Variants in ZNF592 observed in about 807,000 individuals in gnomAD.
ZNF592 encodes zinc finger protein 592.
Under a neutral mutation model 80.3 loss-of-function variants are expected in ZNF592, and 11 were observed. That is an observed-to-expected ratio of 0.14 (90% CI 0.09 to 0.23). The LOEUF is 0.23. Among genes scored for constraint, ZNF592 ranks in the 10% least tolerant of loss-of-function variants. ZNF592 has a pLI of 1.00. For synonymous variants in ZNF592, 646 were observed against 640.3 expected (o/e 1.01, Z -0.13); for missense variants, 1,420 against 1,633.9 (o/e 0.87, Z 2.26).
chr15:84,767,602 G>A (rs1168305429), intron 2 of ZNF592, among the ~76,000 whole-genome samples: 10 of 152,148 alleles, frequency 6.6e-5, no homozygotes, highest in Middle Eastern at 6.8e-3. Flanking sequence ...AAGGGGGTAC[G>A]GGTTACAAAG....
At chr15:84,796,602 A>G (rs1190246270) in intron 5 of ZNF592, among the ~76,000 whole-genome samples, 1 of 152,026 alleles carries the variant, frequency 6.6e-6, no homozygotes, top group African/African-American at 2.4e-5. Context: ...CGATAAAAGG[A>G]AAGGCAGTAT....
At chr15:84,758,323 T>C (rs1899242278) in intron 1 of ZNF592, among the ~76,000 whole-genome samples, 1 of 151,820 alleles carries the variant, frequency 6.6e-6, no homozygotes, top group African/African-American at 2.4e-5. Flanking sequence ...CGCTCTGTTG[T>C]CTAGACTGTA....
intron 1 of ZNF592, among the ~76,000 whole-genome samples, chr15:84,751,211 C>A (rs1329930592): frequency 2.0e-5 from 3 of 152,216 alleles, no homozygotes; most frequent in African/African-American, 4.8e-5. Context: ...TTAAAGACTT[C>A]TGCATACATT....
chr15:84,763,393 TGG>T (rs1899408148), intron 1 of ZNF592, among the ~76,000 whole-genome samples: 1 of 152,148 alleles, frequency 6.6e-6, no homozygotes, highest in Non-Finnish European at 1.5e-5. Context: ...CAACAGAAAC[TGG>T]TGGCCAGAGG....
chr15:84,782,003 T>A (rs186103212), intron 3 of ZNF592, among the ~76,000 whole-genome samples: 1 of 152,368 alleles, frequency 6.6e-6, no homozygotes, highest in Non-Finnish European at 1.5e-5. Context: ...AGTCACCCTG[T>A]TCCTCAGGTT....
At chr15:84,757,484 A>G (rs1899210620) in intron 1 of ZNF592, among the ~76,000 whole-genome samples, 1 of 151,792 alleles carries the variant, frequency 6.6e-6, no homozygotes, top group South Asian at 2.1e-4. Flanking sequence ...TGGGAACTAC[A>G]GGCATGGGCC....
Position 84,805,993 on chromosome 15 carries a change from G to T in ZNF592, c.*3600G>T, listed in dbSNP as rs565389721. Reference sequence around the variant, plus strand: ...TTCTATACACAGTGTTCTGAAGCTTGCTTTCTTATATAGTATTTTGGAGAT... The same window carrying T: ...TTCTATACACAGTGTTCTGAAGCTTTCTTTCTTATATAGTATTTTGGAGAT... On this transcript the variant is annotated 3_prime_UTR_variant, in exon 11 of 11. Transcript: ENST00000560079. The T allele has an allele frequency of 4.6e-5, 7 of 152,626 alleles. No individual in the cohort carries two copies. Among genetic ancestry groups the T allele is most frequent in the Admixed American group, 4.6e-4 (7 of 15,292 alleles). The allele number at this position is 152,626 out of a possible 1,614,324, so 9.5% of individuals were successfully genotyped here. A position where few individuals can be genotyped will look rare whatever the true frequency, so the allele number is the denominator to read the frequency against.
intron 5 of ZNF592, 28 bp from the exon 6 acceptor site, chr15:84,797,841 A>G (rs56410875): frequency 0.058 from 92,913 of 1,613,894 alleles, 3,030 homozygotes; most frequent in African/African-American, 0.074. Flanking sequence ...TACTCCACCC[A>G]CACTCACACT....
rs1176828595 is a variant in ZNF592, at chr15:84,796,240, ATATAT to A, written c.2400-1628_2400-1624del. On this transcript the variant is annotated intron_variant, in intron 5 of 10. Transcript: ENST00000560079. Reference sequence around the variant, plus strand: ...CTGTCTCAAAAAAAAAAAAAAAAAAATATATATATATATATATATATATATTTTAT... The same window carrying A: ...CTGTCTCAAAAAAAAAAAAAAAAAAAATATATATATATATATATATTTTAT... Among the ~76,000 whole-genome samples, 4 of 39,404 alleles carry A rather than the reference ATATAT, an allele frequency of 1.0e-4. 1 individual carries two copies. Among genetic ancestry groups the A allele is most frequent in the African/African-American group, 6.5e-4 (4 of 6,120 alleles). 25.9% of individuals were successfully genotyped at this position (39,404 alleles called of 152,430 possible). A position where few individuals can be genotyped will look rare whatever the true frequency, so the allele number is the denominator to read the frequency against.
intron 4 of ZNF592, among the ~76,000 whole-genome samples, chr15:84,789,002 C>T (rs1316356434): frequency 1.3e-5 from 2 of 150,744 alleles, no homozygotes; most frequent in Middle Eastern, 3.2e-3. Flanking sequence ...TTTGAGGTCA[C>T]GAGTTCGAGA....
At chr15:84,749,471 AT>A (rs1037585728) in intron 1 of ZNF592, among the ~76,000 whole-genome samples, 1 of 152,124 alleles carries the variant, frequency 6.6e-6, no homozygotes, top group African/African-American at 2.4e-5. Flanking sequence ...ATTTTAAACC[AT>A]TTTTTGAGTA....
rs755802853 is a variant in ZNF592, at chr15:84,784,587, G to C, written c.1912G>C (p.Asp638His). The change falls in exon 4 of 11, where the codon GAC becomes CAC. Residue 638 changes from aspartate to histidine, a missense_variant. Physicochemically the swap from Asp to His is moderately conservative, Grantham distance 81. Coordinates refer to ENST00000560079, the MANE Select transcript of ZNF592 (RefSeq NM_014630.3). This position sits in a 1 kb window ranked among gnomAD's most constrained non-coding sequence, Gnocchi z 5.8. The stretch of plus-strand genomic sequence containing the variant: ...GTGCAGCCTGCTCCGGCACGCCCGT[G>C]ACCACAAGAGCAAGGGGCTCGTCAT... ...NKCSLLRHAR[D>H]HKSKGLVMQC... The C allele has an allele frequency of 2.5e-6, 4 of 1,614,164 alleles. No individual in the cohort carries two copies. The highest frequency in any genetic ancestry group is 3.4e-6 in the Non-Finnish European group (4 of 1,180,026).
chr15:84,784,847 G>A lies in ZNF592; in HGVS notation c.2172G>A (p.Met724Ile), dbSNP rs1264497880. The change falls in exon 4 of 11, where the codon ATG (methionine) becomes ATA (isoleucine). Residue 724 changes from methionine to isoleucine, a missense_variant. Coordinates refer to ENST00000560079, the MANE Select transcript of ZNF592 (RefSeq NM_014630.3). The surrounding 1 kb of genome is among the most constrained non-coding windows in gnomAD (Gnocchi z 5.8). ...GTCACAAGCAGATGCGGGACTACAT[G>A]GTCCTGGCTGCACATTTCCAGAGGA... ...LECHKQMRDY[M>I]VLAAHFQRTT... The A allele has an allele frequency of 6.2e-7, 1 of 1,614,098 alleles. No individual in the cohort carries two copies. Among genetic ancestry groups the A allele is most frequent in the East Asian group, 2.2e-5 (1 of 44,872 alleles).
intron 3 of ZNF592, among the ~76,000 whole-genome samples, chr15:84,781,237 G>A (rs954560595): frequency 5.3e-5 from 8 of 151,896 alleles, no homozygotes; most frequent in Non-Finnish European, 1.2e-4. Flanking sequence ...TAGTAGAGAT[G>A]GGGTTTCATC....
chr15:84,795,796 T>C (rs964162988), intron 5 of ZNF592, among the ~76,000 whole-genome samples: 1 of 152,192 alleles, frequency 6.6e-6, no homozygotes, highest in African/African-American at 2.4e-5. Flanking sequence ...ATGAATGCTC[T>C]GTGGAGTTTA....
Position 84,798,678 on chromosome 15 carries a change from C to G in ZNF592, c.2827C>G (p.Pro943Ala). ...CTCAAGCCGCCCTGGCTCTCGAGTT[C>G]CCACTGAGCCACCAGCCACTAGTGT... Reference protein sequence around the residue: ...TSSSRPGSRVPTEPPATSVAA... With the variant: ...TSSSRPGSRVATEPPATSVAA... Residue 943 changes from proline to alanine, a missense_variant, in exon 8 of 11, where the codon CCC (proline) becomes GCC (alanine). Around this residue, in one of 7 missense-constraint regions of ZNF592, gnomAD observed 331 missense variants for 347.0 expected, o/e 0.95. Transcript: ENST00000560079. This position sits in a 1 kb window ranked among gnomAD's most constrained non-coding sequence, Gnocchi z 4.5. 1.2e-6 allele frequency: 2 copies of G among 1,613,616 alleles called. No individual in the cohort carries two copies. Among genetic ancestry groups the G allele is most frequent in the Non-Finnish European group, 1.7e-6 (2 of 1,180,016 alleles).
chr15:84,756,652 G>A (rs564914092), intron 1 of ZNF592, among the ~76,000 whole-genome samples: 1 of 152,140 alleles, frequency 6.6e-6, no homozygotes, highest in African/African-American at 2.4e-5. Context: ...CCCCAGACTT[G>A]AACTTAACTG....
At chr15:84,772,244 G>A (rs1040851459) in intron 2 of ZNF592, among the ~76,000 whole-genome samples, 4 of 152,038 alleles carry the variant, frequency 2.6e-5, no homozygotes, top group Admixed American at 1.3e-4. Flanking sequence ...GTGGTGTCTC[G>A]ATGATTAATG....
intron 1 of ZNF592, among the ~76,000 whole-genome samples, chr15:84,759,511 G>A (rs913523249): frequency 1.3e-5 from 2 of 152,144 alleles, no homozygotes; most frequent in Non-Finnish European, 2.9e-5. Context: ...GAACCCCAGT[G>A]TCTGTCATTC....
Sources: allele counts gnomAD v4.1 joint callset (sites outside exome capture counted in the v4.1 genomes callset), GRCh38; gene constraint gnomAD v4.1.1; regional missense constraint gnomAD v4.1.1; non-coding constraint Gnocchi (gnomAD v3.1); transcripts MANE v1.5; gene names NCBI Gene and HGNC (gene_info 2026-07-23, HGNC 2026-07-21).